The following SP140 variants were observed in gnomAD, a reference collection of about 807,000 sequenced individuals.
The protein encoded by SP140 is nuclear body protein SP140.
Under a neutral mutation model 125.0 loss-of-function variants are expected in SP140, and 81 were observed. The ratio of observed to expected loss-of-function variants is 0.65; its 90% confidence interval spans 0.54 to 0.78. The LOEUF is 0.78. Among genes scored for constraint, SP140 ranks in the 30% least tolerant of loss-of-function variants. The pLI is 0.00. For synonymous variants in SP140, 312 were observed against 354.0 expected (o/e 0.88, Z 1.33); for missense variants, 858 against 1,037.0 (o/e 0.83, Z 2.37).
chr2:230,298,953 A>T (rs1351612389), intron 22 of SP140, among the ~76,000 whole-genome samples: 1 of 152,224 alleles, frequency 6.6e-6, no homozygotes, highest in African/African-American at 2.4e-5. Context: ...TGTTGGGTTC[A>T]GGACATTAGC....
upstream of SP140, chr2:230,200,346 G>C (rs1169288348): frequency 6.3e-6 from 1 of 157,956 alleles, no homozygotes; most frequent in African/African-American, 2.4e-5. Flanking sequence ...AGTGAGGGGT[G>C]AATTAACATG....
At chr2:230,223,381 A>T (rs2045981484), upstream of SP140, among the ~76,000 whole-genome samples, 1 of 152,140 alleles carries the variant, frequency 6.6e-6, no homozygotes, top group Admixed American at 6.5e-5. Context: ...ATATCTTTCA[A>T]CTATATTATG....
chr2:230,248,126 T>C (rs2049779085), intron 8 of SP140, 61 bp downstream of exon 8: 1 of 1,554,088 alleles, frequency 6.4e-7, no homozygotes, highest in Admixed American at 1.7e-5. Context: ...CAACATGGGG[T>C]GGGAGACCAG....
chr2:230,208,124 T>C, intron 1 of SP140: 1 of 945,876 alleles, frequency 1.1e-6, no homozygotes, highest in South Asian at 1.4e-5. Flanking sequence ...ATGTCAATGA[T>C]ATTCAGCTTT....
intron 1 of SP140, chr2:230,230,668 A>G (rs2047111149): frequency 6.6e-6 from 1 of 152,238 alleles, no homozygotes; most frequent in Non-Finnish European, 1.5e-5. Context: ...GAGTCAGTTA[A>G]TTTAGATTCC....
intron 3 of SP140, chr2:230,215,099 C>A: frequency 6.2e-7 from 1 of 1,613,798 alleles, no homozygotes; most frequent in South Asian, 1.1e-5. Flanking sequence ...GATCAAATTT[C>A]TACAGGCTTC....
At chr2:230,213,122 G>A (rs1337580202) in intron 1 of SP140, 2 of 1,215,944 alleles carry the variant, frequency 1.6e-6, no homozygotes, top group Non-Finnish European at 2.4e-6. Context: ...ATAGGATGGG[G>A]GCATGGAGCT....
rs2044574230 is a variant in SP140 at position 230,212,272 on chromosome 2, C to T, written c.-322-1382C>T. 7 of 1,101,712 alleles carry T rather than the reference C, an allele frequency of 6.4e-6. No individual in the cohort carries two copies. The South Asian group carries it at 8.8e-5, about 14-fold the overall frequency. The allele number at this position is 1,101,712 out of a possible 1,614,324, so 68.2% of individuals were successfully genotyped here. Reference sequence around the variant, plus strand: ...TTTTTCCCAGGGTTCCCACCATAGCCTCTTGGTTGGCAGACGCATGTTCTC... The same window carrying T: ...TTTTTCCCAGGGTTCCCACCATAGCTTCTTGGTTGGCAGACGCATGTTCTC... On this transcript the variant is annotated intron_variant, in intron 1 of 4. Coordinates refer to the SP140 transcript ENST00000456542.
the SP140 span, among the ~76,000 whole-genome samples, chr2:230,186,897 T>A: frequency 6.6e-6 from 1 of 152,232 alleles, no homozygotes; most frequent in Non-Finnish European, 1.5e-5. Flanking sequence ...CTTTACACAT[T>A]CATTGGTCAA....
intron 18 of SP140, 47 bp from the exon 19 acceptor site, chr2:230,290,413 A>G (rs370668913): frequency 6.5e-7 from 1 of 1,542,646 alleles, no homozygotes; most frequent in Non-Finnish European, 9.0e-7. Flanking sequence ...GGGAGGGGGG[A>G]CGTGCCTTTG....
Position 230,294,295 on chromosome 2 carries a change from A to G in SP140, c.1993A>G (p.Arg665Gly). Residue 665 changes from arginine to glycine, a missense_variant, in exon 21 of 27, where the codon AGA (arginine) becomes GGA (glycine). Physicochemically the swap from Arg to Gly is moderately radical, Grantham distance 125. Coordinates refer to ENST00000392045, the MANE Select transcript of SP140 (RefSeq NM_007237.5). ...GAATGGATTTCTGCCTGATCCTCCA[A>G]GAATACGTTACAGGAAAAAAAAGGT... Reference protein sequence around the residue: ...MENGFLPDPPRIRYRKKKRIL... With the variant: ...MENGFLPDPPGIRYRKKKRIL... The G allele has an allele frequency of 1.2e-6, 2 of 1,613,038 alleles. No individual in the cohort carries two copies. The highest frequency in any genetic ancestry group is 1.7e-6 in the Non-Finnish European group (2 of 1,178,980).
intron 12 of SP140, among the ~76,000 whole-genome samples, chr2:230,256,945 G>C (rs1051952404): frequency 1.2e-4 from 18 of 152,170 alleles, no homozygotes; most frequent in Admixed American, 1.0e-3. Context: ...TCAAGACTTA[G>C]ATAGGGAAGG....
chr2:230,298,597 C>T (rs941386728), intron 22 of SP140, among the ~76,000 whole-genome samples: 7 of 152,128 alleles, frequency 4.6e-5, no homozygotes, highest in African/African-American at 1.7e-4. Flanking sequence ...GGAAACAGTT[C>T]CAGCAAAGGT....
At chr2:230,215,984 A>G (rs2045123627) in intron 3 of SP140, among the ~76,000 whole-genome samples, 1 of 152,184 alleles carries the variant, frequency 6.6e-6, no homozygotes, top group Non-Finnish European at 1.5e-5. Flanking sequence ...ACTAAGACTA[A>G]GGGAAGATTA....
chr2:230,253,509 T>G, intron 11 of SP140, 92 bp downstream of exon 11: 1 of 920,386 alleles, frequency 1.1e-6, no homozygotes, highest in Admixed American at 1.8e-5. Flanking sequence ...ATCCTACCCT[T>G]CTCTTCTTCA....
At chr2:230,238,915 G>T in intron 3 of SP140, 3 of 1,549,212 alleles carry the variant, frequency 1.9e-6, no homozygotes, top group East Asian at 2.4e-5. Context: ...GGGCCTTTCC[G>T]AACCATGTGG....
chr2:230,242,537 C>T (rs17329583), intron 4 of SP140, among the ~76,000 whole-genome samples: 18,975 of 149,470 alleles, frequency 0.13, 1,356 homozygotes, highest in South Asian at 0.2. Context: ...ACCTGAGGAC[C>T]TTTACTCAAG....
intron 12 of SP140, among the ~76,000 whole-genome samples, chr2:230,256,102 G>A (rs1256105675): frequency 2.0e-5 from 3 of 152,112 alleles, no homozygotes; most frequent in African/African-American, 7.2e-5. Flanking sequence ...AACCATTGTG[G>A]AAGTCAGTGT....
intron 1 of SP140, chr2:230,208,024 T>C: frequency 6.4e-7 from 1 of 1,568,898 alleles, no homozygotes; most frequent in Non-Finnish European, 8.8e-7. Context: ...TGTCTCCTTT[T>C]TGGAGTTGAC....
Sources: gnomAD v4.1 joint callset for allele counts (sites outside exome capture counted in the v4.1 genomes callset) on GRCh38, gnomAD v4.1.1 for gene constraint, MANE v1.5 for transcripts, NCBI Gene and HGNC (gene_info 2026-07-23, HGNC 2026-07-21) for gene names.